Variants in SCEL observed in about 807,000 individuals in gnomAD.
SCEL encodes sciellin.
In SCEL, 113 loss-of-function variants were observed where a neutral mutation model predicts 117.6. The observed-to-expected ratio is 0.96, with a 90% CI of 0.83 to 1.12. SCEL has a LOEUF of 1.12. SCEL is among the 50% of genes most tolerant of loss of function. The pLI is 0.00. For missense variants in SCEL, 785 were observed against 810.8 expected (o/e 0.97, Z 0.39); for synonymous variants, 270 against 256.2 (o/e 1.05, Z -0.51).
chr13:77,566,121 T>C (rs980868655), intron 5 of SCEL, among the ~76,000 whole-genome samples: 15 of 152,188 alleles, frequency 9.9e-5, no homozygotes, highest in African/African-American at 2.2e-4. Context: ...GGTAGCATGA[T>C]AGAGACTATG....
At chr13:77,554,924 G>A (rs1193789253) in intron 1 of SCEL, among the ~76,000 whole-genome samples, 1 of 152,082 alleles carries the variant, frequency 6.6e-6, no homozygotes, top group African/African-American at 2.4e-5. Context: ...TTTGAAAACT[G>A]AAAGTCCCAC....
In SCEL at chr13:77,601,114, C is replaced by CTT. The variant is rs11378449; in HGVS notation, c.918-937_918-936dup. ...AATAGATGAAGTTGAAAAACAGTCT[C>CTT]TTTTTTTTTTTTTTTGTACATGGCT... On this transcript the variant is annotated intron_variant, in intron 15 of 32. Transcript: ENST00000349847. Among the ~76,000 whole-genome samples, 410 of 141,078 alleles carry CTT rather than the reference C, an allele frequency of 2.9e-3. 6 individuals carry two copies. The highest frequency in any genetic ancestry group is 0.011 in the South Asian group (49 of 4,436). The allele number at this position is 141,078 out of a possible 152,430, so 92.6% of individuals were successfully genotyped here. A position where few individuals can be genotyped will look rare whatever the true frequency, so the allele number is the denominator to read the frequency against.
intron 28 of SCEL, among the ~76,000 whole-genome samples, 161 bp downstream of exon 28, chr13:77,628,170 G>GTGTATATATATATATA (rs10700333): frequency 4.3e-4 from 60 of 139,734 alleles, no homozygotes; most frequent in African/African-American, 1.4e-3. Context: ...ATATGTGTGT[G>GTGTATATATATATATA]TATATATATA....
chr13:77,589,706 C>T (rs2086763955), intron 10 of SCEL, among the ~76,000 whole-genome samples: 1 of 152,082 alleles, frequency 6.6e-6, no homozygotes, highest in East Asian at 1.9e-4. Context: ...GTTACAAATA[C>T]CTTTGAGTAG....
In SCEL at chr13:77,581,538, G is replaced by A. The variant is rs983362347; in HGVS notation, c.546-7606G>A. On this transcript the variant is annotated intron_variant, in intron 9 of 32. Coordinates refer to ENST00000349847, the MANE Select transcript of SCEL (RefSeq NM_144777.3). ...CTCTCTTGGAGCTCTTGTTGCCTCCGCCCCTGCCAGGGGGGCTCCTGGAAA... is the reference window on the plus strand; with the variant it reads ...CTCTCTTGGAGCTCTTGTTGCCTCCACCCCTGCCAGGGGGGCTCCTGGAAA... Among the ~76,000 whole-genome samples the A allele has an allele frequency of 1.8e-4, 28 of 152,172 alleles. No individual in the cohort carries two copies. The East Asian group carries it at 4.1e-3, about 22-fold the overall frequency.
At chr13:77,551,295 A>G (rs1009843089) in intron 1 of SCEL, among the ~76,000 whole-genome samples, 2 of 152,136 alleles carry the variant, frequency 1.3e-5, no homozygotes, top group Non-Finnish European at 1.5e-5. Flanking sequence ...TCTTTATTCT[A>G]TTAGCAATTG....
At chr13:77,589,329 A>G in intron 10 of SCEL, 105 bp downstream of exon 10, 1 of 743,758 alleles carries the variant, frequency 1.3e-6, no homozygotes, top group Non-Finnish European at 2.2e-6. Context: ...TTTTGTGTGC[A>G]CATTCCCTAA....
intron 13 of SCEL, among the ~76,000 whole-genome samples, chr13:77,598,868 GATGGGGTCAGACC>G (rs1567399452): frequency 6.6e-6 from 1 of 152,104 alleles, no homozygotes; most frequent in Non-Finnish European, 1.5e-5. Context: ...TTTTTGTAGA[GATGGGGTCAGACC>G]ATGTTGCCCA....
Position 77,556,650 on chromosome 13 carries a change from T to C in SCEL, c.98T>C (p.Val33Ala). The C allele has an allele frequency of 4.3e-6, 7 of 1,614,002 alleles. No homozygotes were observed. The highest frequency in any genetic ancestry group is 5.9e-6 in the Non-Finnish European group (7 of 1,179,972). Residue 33 changes from valine (V) to alanine (A), a missense_variant, in exon 3 of 33, where the codon GTG becomes GCG. Val to Ala is a moderately conservative substitution (Grantham distance 64). Coordinates refer to ENST00000349847, the MANE Select transcript of SCEL (RefSeq NM_144777.3). ...CGGAAGCAGCAGGATTTTCACGAGGTGAACAAAAGAAGAACTTTCTTACAG... is the reference window on the plus strand; with the variant it reads ...CGGAAGCAGCAGGATTTTCACGAGGCGAACAAAAGAAGAACTTTCTTACAG... ...TTRKQQDFHE[V>A]NKRRTFLQDN... is the part of the protein sequence containing the mutation.
chr13:77,642,863 G>A (rs2090625200), intron 32 of SCEL, 55 bp downstream of exon 32: 1 of 903,838 alleles, frequency 1.1e-6, no homozygotes, highest in South Asian at 1.9e-5. Context: ...TGAGCATTTG[G>A]TATCATTTAA....
At chr13:77,627,906 T>G in intron 27 of SCEL, 41 bp from the exon 28 acceptor site, 1 of 812,978 alleles carries the variant, frequency 1.2e-6, no homozygotes, top group Non-Finnish European at 1.9e-6. Flanking sequence ...TTTCCTATCA[T>G]TATGTTGTAA....
At chr13:77,564,212 A>G (rs2085155531) in intron 5 of SCEL, among the ~76,000 whole-genome samples, 1 of 141,696 alleles carries the variant, frequency 7.1e-6, no homozygotes, top group African/African-American at 2.7e-5. Flanking sequence ...TTTTTTTGCG[A>G]ATATGTATAA....
chr13:77,635,209 C>T (rs999580104), intron 29 of SCEL, among the ~76,000 whole-genome samples: 2 of 152,202 alleles, frequency 1.3e-5, no homozygotes, highest in Non-Finnish European at 1.5e-5. Context: ...CAAACCCATG[C>T]ATAATTTACC....
intron 15 of SCEL, among the ~76,000 whole-genome samples, chr13:77,600,849 ATTTC>A (rs1201703536): frequency 6.6e-6 from 1 of 152,164 alleles, no homozygotes; most frequent in Non-Finnish European, 1.5e-5. Context: ...CATGAGAATT[ATTTC>A]TATTGTCACA....
At chr13:77,590,902 A>T (rs2086828735) in intron 10 of SCEL, among the ~76,000 whole-genome samples, 1 of 152,068 alleles carries the variant, frequency 6.6e-6, no homozygotes, top group Non-Finnish European at 1.5e-5. Context: ...AACATAATAA[A>T]ATTTAATTCT....
chr13:77,633,442 CAAAAAAAAAAAAA>C (rs59939208), intron 28 of SCEL, among the ~76,000 whole-genome samples: 1 of 30,022 alleles, frequency 3.3e-5, no homozygotes, highest in Non-Finnish European at 7.0e-5. Flanking sequence ...GACTCCGCCT[CAAAAAAAAAAAAA>C]AAAAAAAAAA....
In SCEL at chr13:77,644,755, C is replaced by T. The variant is rs1300747942; in HGVS notation, c.*481C>T. 2 of 152,984 alleles carry T rather than the reference C, an allele frequency of 1.3e-5. No individual in the cohort carries two copies. Among genetic ancestry groups the T allele is most frequent in the Non-Finnish European group, 2.9e-5 (2 of 68,618 alleles). The allele number at this position is 152,984 out of a possible 1,614,324, so 9.5% of individuals were successfully genotyped here. A position where few individuals can be genotyped will look rare whatever the true frequency, so the allele number is the denominator to read the frequency against. ...ATACAGTTTGGCAGAAAGATGTTAACATAAAAAGTTTATATACCTCAAAAA... is the reference window on the plus strand; with the variant it reads ...ATACAGTTTGGCAGAAAGATGTTAATATAAAAAGTTTATATACCTCAAAAA... On this transcript the variant is annotated 3_prime_UTR_variant, in exon 33 of 33. Transcript: ENST00000349847.
At chr13:77,566,460 A>G (rs1245861117) in intron 5 of SCEL, among the ~76,000 whole-genome samples, 1 of 149,098 alleles carries the variant, frequency 6.7e-6, no homozygotes, top group African/African-American at 2.4e-5. Flanking sequence ...TTGGCATATA[A>G]TGATAACCTT....
intron 10 of SCEL, among the ~76,000 whole-genome samples, chr13:77,589,961 C>G (rs1258911028): frequency 2.0e-5 from 3 of 152,080 alleles, no homozygotes; most frequent in African/African-American, 7.2e-5. Context: ...CCCCACATTT[C>G]CATTATTATT....
Sources: allele counts gnomAD v4.1 joint callset (sites outside exome capture counted in the v4.1 genomes callset), GRCh38; gene constraint gnomAD v4.1.1; transcripts MANE v1.5; gene names NCBI Gene and HGNC (gene_info 2026-07-23, HGNC 2026-07-21).